Variants in WDR33 observed in about 807,000 individuals in gnomAD.
WDR33 encodes the protein WD repeat domain 33, also known as pre-mRNA 3' end processing protein WDR33.
Under a neutral mutation model 164.9 loss-of-function variants are expected in WDR33, and 47 were observed. The ratio of observed to expected loss-of-function variants is 0.29; its 90% confidence interval spans 0.23 to 0.36. The LOEUF (loss-of-function observed/expected upper bound fraction) is 0.36, where lower values mean the gene tolerates loss of function less well. Ranked by LOEUF, WDR33 falls within the 10% of genes least tolerant of loss-of-function variation. WDR33 has a pLI of 1.00. For synonymous variants in WDR33, 505 were observed against 589.0 expected, an observed-to-expected ratio of 0.86 and a Z score of 2.06; for missense variants, 1,137 against 1,754.1, an observed-to-expected ratio of 0.65 and a Z score of 6.28.
intron 18 of WDR33, among the ~76,000 whole-genome samples, chr2:127,711,759 T>G (rs1198485515): frequency 1.3e-5 from 1 of 77,874 alleles, no homozygotes; most frequent in African/African-American, 1.1e-4. Flanking sequence ...CAGATATATA[T>G]ATATATATAT....
At chr2:127,711,774 A>ATTTTT (rs1382438028) in intron 18 of WDR33, among the ~76,000 whole-genome samples, 23 of 93,336 alleles carry the variant, frequency 2.5e-4, no homozygotes, top group Middle Eastern at 6.5e-3. Flanking sequence ...ATATATATAT[A>ATTTTT]TATATATTTT....
At position 127,712,895 on chromosome 2, in the gene WDR33, C is replaced by G. The variant is rs1015622728; in HGVS notation, c.3308+688G>C. ...TCAGCTTCCTGAGTAGCTAGGACTA[C>G]AGGCATGCACCACCAAACCCAGCTA... On this transcript the variant is annotated intron_variant, in intron 18 of 21. Transcript: ENST00000322313. The surrounding 1 kb of genome is among the most constrained non-coding windows in gnomAD (Gnocchi z 4.0). 2.0e-5 allele frequency among the ~76,000 whole-genome samples: 3 copies of G among 152,202 alleles called. No individual in the cohort carries two copies. The highest frequency in any genetic ancestry group is 4.4e-5 in the Non-Finnish European group (3 of 68,044).
Position 127,722,069 on chromosome 2 carries a change from C to T in WDR33, c.1519-81G>A. 1.3e-6 allele frequency: 2 copies of T among 1,493,552 alleles called. No homozygotes were observed. The highest frequency in any genetic ancestry group is 1.8e-6 in the Non-Finnish European group (2 of 1,103,832). 92.5% of individuals were successfully genotyped at this position (1,493,552 alleles called of 1,614,324 possible). A position where few individuals can be genotyped will look rare whatever the true frequency, so the allele number is the denominator to read the frequency against. On this transcript the variant is annotated intron_variant, in intron 14 of 21. Coordinates refer to ENST00000322313, the MANE Select transcript of WDR33 (RefSeq NM_018383.5). The surrounding 1 kb of genome is among the most constrained non-coding windows in gnomAD (Gnocchi z 5.1). ...GAATGAGAAAACCACTCTACAATGTCATCTGCTCAATCTAACCTCTGAACC... is the reference window on the plus strand; with the variant it reads ...GAATGAGAAAACCACTCTACAATGTTATCTGCTCAATCTAACCTCTGAACC...
intron 7 of WDR33, among the ~76,000 whole-genome samples, chr2:127,756,970 G>A (rs1687538705): frequency 6.6e-6 from 1 of 151,880 alleles, no homozygotes; most frequent in South Asian, 2.1e-4. Flanking sequence ...CCAGCTACCA[G>A]GGAGGCTGAG....
chr2:127,742,006 G>C (rs1389902559), intron 7 of WDR33, among the ~76,000 whole-genome samples: 4 of 151,936 alleles, frequency 2.6e-5, no homozygotes. Flanking sequence ...TTCAAGATCA[G>C]CCTGGCCAAC....
intron 7 of WDR33, among the ~76,000 whole-genome samples, chr2:127,742,793 A>G (rs536860484): frequency 2.1e-4 from 31 of 145,678 alleles, no homozygotes; most frequent in African/African-American, 8.5e-4. Flanking sequence ...TGGAAAAAAG[A>G]TAAGACTGCA....
At chr2:127,739,510 G>C (rs1469315801) in intron 7 of WDR33, among the ~76,000 whole-genome samples, 1 of 152,206 alleles carries the variant, frequency 6.6e-6, no homozygotes, top group Non-Finnish European at 1.5e-5. Flanking sequence ...AAAATTTCCA[G>C]TAAACTGGTT....
chr2:127,742,399 C>T (rs1573905944), intron 7 of WDR33, among the ~76,000 whole-genome samples: 1 of 151,434 alleles, frequency 6.6e-6, no homozygotes, highest in African/African-American at 2.4e-5. Context: ...TGGTGGCTCA[C>T]ACCTGTAGTT....
intron 7 of WDR33, among the ~76,000 whole-genome samples, chr2:127,747,835 C>G (rs1480597549): frequency 6.6e-6 from 1 of 152,168 alleles, no homozygotes; most frequent in Non-Finnish European, 1.5e-5. Context: ...AAAGCAGCAG[C>G]CCCTGACCTC....
rs992727656 is a variant in WDR33 at position 127,704,987 on chromosome 2, A to G, written c.*1336T>C. ...GCATATGCCTGTAGTCCTAGCTACT[A>G]GGGAGGCTGAGGCAGGGTCAAAGCT... is the stretch of plus-strand genomic sequence containing the variant. On this transcript the variant is annotated 3_prime_UTR_variant, in exon 22 of 22. Transcript: ENST00000322313. 2 of 159,306 alleles carry G rather than the reference A, an allele frequency of 1.3e-5. No individual in the cohort carries two copies. Among genetic ancestry groups the G allele is most frequent in the Non-Finnish European group, 1.5e-5 (1 of 68,096 alleles). 9.9% of individuals were successfully genotyped at this position (159,306 alleles called of 1,614,324 possible). A position where few individuals can be genotyped will look rare whatever the true frequency, so the allele number is the denominator to read the frequency against.
intron 7 of WDR33, among the ~76,000 whole-genome samples, chr2:127,750,593 G>A (rs760433226): frequency 3.6e-5 from 5 of 138,178 alleles, no homozygotes; most frequent in African/African-American, 1.4e-4. Context: ...AAGTTGCAGT[G>A]AGTCGAGATT....
At chr2:127,755,948 AAAAC>A (rs1203556731) in intron 7 of WDR33, among the ~76,000 whole-genome samples, 1 of 152,216 alleles carries the variant, frequency 6.6e-6, no homozygotes, top group Non-Finnish European at 1.5e-5. Context: ...CATTCGTGAC[AAAAC>A]AAACAGAAAT....
chr2:127,701,808 G>C lies in WDR33; in HGVS notation c.*4515C>G, dbSNP rs918863928. The C allele has an allele frequency of 6.9e-7, 1 of 1,456,714 alleles. No homozygotes were observed. Among genetic ancestry groups the C allele is most frequent in the Middle Eastern group, 2.3e-4 (1 of 4,264 alleles). The allele number at this position is 1,456,714 out of a possible 1,614,324, so 90.2% of individuals were successfully genotyped here. On this transcript the variant is annotated 3_prime_UTR_variant, in exon 22 of 22. Coordinates refer to ENST00000322313, the MANE Select transcript of WDR33 (RefSeq NM_018383.5). ...GCTGGCTGCACTGTGTTTCGGCCTAGCCGCGCTCTACGCACCGGTGTTGCT... is the reference window on the plus strand; with the variant it reads ...GCTGGCTGCACTGTGTTTCGGCCTACCCGCGCTCTACGCACCGGTGTTGCT...
intron 7 of WDR33, among the ~76,000 whole-genome samples, chr2:127,739,502 A>C (rs1686953963): frequency 6.6e-6 from 1 of 152,218 alleles, no homozygotes; most frequent in African/African-American, 2.4e-5. Flanking sequence ...AATAGTAAAA[A>C]ATTTCCAGTA....
chr2:127,751,264 CG>C (rs747978660), intron 7 of WDR33, among the ~76,000 whole-genome samples: 3 of 151,506 alleles, frequency 2.0e-5, no homozygotes, highest in Non-Finnish European at 4.4e-5. Flanking sequence ...AGGAGGCTGA[CG>C]TGGGAGGATC....
In WDR33 at chr2:127,702,109, C is replaced by CCGCGCTGCGCCT; in HGVS notation, c.*4202_*4213dup. 1 of 1,216,210 alleles carries CCGCGCTGCGCCT rather than the reference C, an allele frequency of 8.2e-7. No individual in the cohort carries two copies. Among genetic ancestry groups the CCGCGCTGCGCCT allele is most frequent in the Non-Finnish European group, 1.0e-6 (1 of 979,902 alleles). The allele number at this position is 1,216,210 out of a possible 1,614,324, so 75.3% of individuals were successfully genotyped here. Reference sequence around the variant, plus strand: ...GGGCTGCTGCCCTGGGGCGGCGGCACCGCGCTGCGCCTCGCACTGGGTCGC... The same window carrying CCGCGCTGCGCCT: ...GGGCTGCTGCCCTGGGGCGGCGGCACCGCGCTGCGCCTCGCGCTGCGCCTCGCACTGGGTCGC... On this transcript the variant is annotated 3_prime_UTR_variant, in exon 22 of 22. Coordinates refer to ENST00000322313, the MANE Select transcript of WDR33 (RefSeq NM_018383.5).
At chr2:127,785,297 A>G (rs1688521299) in intron 1 of WDR33, among the ~76,000 whole-genome samples, 1 of 152,156 alleles carries the variant, frequency 6.6e-6, no homozygotes, top group South Asian at 2.1e-4. Flanking sequence ...TGTTAGAATC[A>G]ATGAACCAAC....
intron 7 of WDR33, chr2:127,737,805 T>A: frequency 7.5e-7 from 1 of 1,329,874 alleles, no homozygotes; most frequent in Non-Finnish European, 9.6e-7. Context: ...GTTGGCCAGA[T>A]TAAGGATACA....
At position 127,719,324 on chromosome 2, in the gene WDR33, G is replaced by A; in HGVS notation, c.2701C>T (p.Pro901Ser). ...AGAGGCGTTTTCTGTTGCTGGAATG[G>A]TATTGGCCCTTGAGATGGATGTGGC... The part of the protein sequence containing the change: ...RGPHPSQGPI[P>S]FQQQKTPLLG... The change falls in exon 16 of 22, where the codon CCA becomes TCA. Residue 901 changes from proline to serine, a missense_variant. Pro to Ser is a moderately conservative substitution (Grantham distance 74). Coordinates refer to ENST00000322313, the MANE Select transcript of WDR33 (RefSeq NM_018383.5). The surrounding 1 kb of genome is among the most constrained non-coding windows in gnomAD (Gnocchi z 6.5). 3 of 1,500,594 alleles carry A rather than the reference G, an allele frequency of 2.0e-6. No homozygotes were observed. The highest frequency in any genetic ancestry group is 2.7e-6 in the Non-Finnish European group (3 of 1,125,350). The allele number at this position is 1,500,594 out of a possible 1,614,324, so 93.0% of individuals were successfully genotyped here.
Sources: allele counts gnomAD v4.1 joint callset (sites outside exome capture counted in the v4.1 genomes callset), GRCh38; gene constraint gnomAD v4.1.1; non-coding constraint Gnocchi (gnomAD v3.1); transcripts MANE v1.5; gene names NCBI Gene and HGNC (gene_info 2026-07-23, HGNC 2026-07-21).